The following ZFP14 variants were observed in gnomAD, a reference collection of about 807,000 sequenced individuals.
ZFP14 encodes the protein zinc finger protein 14 homolog.
A neutral mutation model predicts 54.5 loss-of-function variants in ZFP14; 22 were observed. The observed-to-expected ratio is 0.40, with a 90% CI of 0.29 to 0.58. The LOEUF (loss-of-function observed/expected upper bound fraction) is 0.58. ZFP14 is among the 20% of genes least tolerant of loss of function. ZFP14 has a pLI of 0.39. For missense variants in ZFP14, 470 were observed against 637.8 expected (o/e 0.74, Z 2.83); for synonymous variants, 159 against 204.0 (o/e 0.78, Z 1.88).
chr19:36,354,760 C>G lies in ZFP14; in HGVS notation c.235+5675G>C, dbSNP rs1164962000. On this transcript the variant is annotated intron_variant, in intron 4 of 4. Coordinates refer to ENST00000270001, the MANE Select transcript of ZFP14 (RefSeq NM_020917.3). ...GATCTCGGCTCACTGCAACCTCCAC[C>G]TCCCAGGTTCAAGCGATACTTCTGC... Among the ~76,000 whole-genome samples, 3 of 143,048 alleles carry G rather than the reference C, an allele frequency of 2.1e-5. 1 individual carries two copies. Among genetic ancestry groups the G allele is most frequent in the Non-Finnish European group, 3.1e-5 (2 of 64,462 alleles). 93.8% of individuals were successfully genotyped at this position (143,048 alleles called of 152,430 possible).
intron 4 of ZFP14, among the ~76,000 whole-genome samples, chr19:36,345,345 AT>A (rs111615942): frequency 6.6e-6 from 1 of 152,034 alleles, no homozygotes; most frequent in Non-Finnish European, 1.5e-5. Context: ...CAACTAAAGT[AT>A]TTTTTTTCAA....
At chr19:36,361,716 C>T (rs1363425202) in intron 3 of ZFP14, among the ~76,000 whole-genome samples, 3 of 152,170 alleles carry the variant, frequency 2.0e-5, no homozygotes, top group African/African-American at 7.2e-5. Flanking sequence ...TTTAAATAAC[C>T]TTTCTGGATC....
chr19:36,363,024 C>T (rs955231320), intron 2 of ZFP14, among the ~76,000 whole-genome samples: 5 of 151,994 alleles, frequency 3.3e-5, no homozygotes, highest in African/African-American at 1.2e-4. Context: ...CAATTCTCAA[C>T]GTCTACAATA....
At chr19:36,354,828 C>T (rs569626991) in intron 4 of ZFP14, among the ~76,000 whole-genome samples, 3 of 142,630 alleles carry the variant, frequency 2.1e-5, no homozygotes, top group African/African-American at 5.1e-5. Flanking sequence ...TGTGCCACCA[C>T]GCCCAGCTAA....
intron 1 of ZFP14, among the ~76,000 whole-genome samples, chr19:36,369,963 C>A (rs915921902): frequency 6.6e-6 from 1 of 152,116 alleles, no homozygotes; most frequent in East Asian, 1.9e-4. Flanking sequence ...GATTCCCAAG[C>A]AGTTGGGACT....
intron 4 of ZFP14, among the ~76,000 whole-genome samples, chr19:36,345,389 G>C (rs1450116736): frequency 6.6e-6 from 1 of 152,076 alleles, no homozygotes; most frequent in African/African-American, 2.4e-5. Flanking sequence ...ATGAAATCCT[G>C]AGCAAAAGGT....
intron 2 of ZFP14, chr19:36,362,778 C>T (rs1401196203): frequency 1.8e-5 from 5 of 270,904 alleles, no homozygotes; most frequent in Non-Finnish European, 3.7e-5. Flanking sequence ...GCTCTCTTTT[C>T]CCTTTAATGA....
Position 36,338,485 on chromosome 19 carries a change from A to C in ZFP14, c.*1739T>G, listed in dbSNP as rs1795322642. ...AGGATCACTTGAGCCCAGAAGTTCA[A>C]GACCAGCCTGGGCAACATAGTGAGA... On this transcript the variant is annotated 3_prime_UTR_variant, in exon 5 of 5. Transcript: ENST00000270001. 1 of 151,962 alleles carries C rather than the reference A, an allele frequency of 6.6e-6. No individual in the cohort carries two copies. The allele number at this position is 151,962 out of a possible 1,614,324, so 9.4% of individuals were successfully genotyped here.
chr19:36,372,156 GAA>G (rs1394646469), intron 1 of ZFP14, among the ~76,000 whole-genome samples: 1 of 151,660 alleles, frequency 6.6e-6, no homozygotes, highest in African/African-American at 2.4e-5. Context: ...AGAGGAAAGA[GAA>G]AAAAAGAGTA....
At chr19:36,367,836 T>C (rs775530038) in intron 2 of ZFP14, 48 bp downstream of exon 2, 1 of 1,598,894 alleles carries the variant, frequency 6.3e-7, no homozygotes, top group East Asian at 2.2e-5. Context: ...ATATACATGA[T>C]ACAGAAATTG....
Position 36,349,833 on chromosome 19 carries a change from T to C in ZFP14, c.236-8243A>G, listed in dbSNP as rs565943282. Among the ~76,000 whole-genome samples the C allele has an allele frequency of 6.6e-5, 10 of 150,812 alleles. 1 individual carries two copies. Among genetic ancestry groups the C allele is most frequent in the African/African-American group, 2.2e-4 (9 of 41,122 alleles). ...AATAGAGACATGGATTTGAAGAAGA[T>C]TTCAAGGTTGAAAGGAATAAAAAAG... On this transcript the variant is annotated intron_variant, in intron 4 of 4. Transcript: ENST00000270001.
intron 1 of ZFP14, among the ~76,000 whole-genome samples, chr19:36,371,648 A>G (rs2031878021): frequency 6.6e-6 from 1 of 152,084 alleles, no homozygotes; most frequent in Non-Finnish European, 1.5e-5. Context: ...AGAAAGATAA[A>G]CAAGTAGAAA....
In ZFP14 at chr19:36,337,915, A is replaced by G. The variant is rs1361132202; in HGVS notation, c.*2309T>C. On this transcript the variant is annotated 3_prime_UTR_variant, in exon 5 of 5. Coordinates refer to ENST00000270001, the MANE Select transcript of ZFP14 (RefSeq NM_020917.3). ...TCATGTTTTCTGGACCCATTATTCCATTAAGGTCTAGAAAATGGTGATTTT... is the reference window on the plus strand; with the variant it reads ...TCATGTTTTCTGGACCCATTATTCCGTTAAGGTCTAGAAAATGGTGATTTT... The G allele has an allele frequency of 2.6e-5, 4 of 152,206 alleles. No homozygotes were observed. The highest frequency in any genetic ancestry group is 7.2e-5 in the African/African-American group (3 of 41,448). The allele number at this position is 152,206 out of a possible 1,614,324, so 9.4% of individuals were successfully genotyped here.
intron 1 of ZFP14, among the ~76,000 whole-genome samples, chr19:36,370,685 C>G (rs1011777513): frequency 5.3e-5 from 8 of 152,372 alleles, no homozygotes; most frequent in Admixed American, 5.2e-4. Flanking sequence ...GTGGTTCCAG[C>G]CTTTTGGAGC....
At chr19:36,372,857 T>C (rs973796244) in intron 1 of ZFP14, among the ~76,000 whole-genome samples, 6 of 152,168 alleles carry the variant, frequency 3.9e-5, no homozygotes, top group African/African-American at 1.2e-4. Flanking sequence ...CATTCAGCTA[T>C]GATAAAGAAA....
intron 4 of ZFP14, among the ~76,000 whole-genome samples, chr19:36,358,196 C>T (rs963788865): frequency 2.0e-5 from 3 of 149,930 alleles, no homozygotes; most frequent in African/African-American, 4.9e-5. Context: ...CTGCAAACTC[C>T]GCCTCCCGGG....
chr19:36,340,019 T>C lies in ZFP14; in HGVS notation c.*205A>G. The C allele has an allele frequency of 2.1e-6, 1 of 474,640 alleles. No homozygotes were observed. The highest frequency in any genetic ancestry group is 3.5e-6 in the Non-Finnish European group (1 of 283,056). The allele number at this position is 474,640 out of a possible 1,614,324, so 29.4% of individuals were successfully genotyped here. A position where few individuals can be genotyped will look rare whatever the true frequency, so the allele number is the denominator to read the frequency against. Reference sequence around the variant, plus strand: ...AGATAATGACAGATAAGGCTAAAGATTTTCCTACATTCATTACATTATTCT... The same window carrying C: ...AGATAATGACAGATAAGGCTAAAGACTTTCCTACATTCATTACATTATTCT... On this transcript the variant is annotated 3_prime_UTR_variant, in exon 5 of 5. Coordinates refer to ENST00000270001, the MANE Select transcript of ZFP14 (RefSeq NM_020917.3). This position sits in a 1 kb window ranked among gnomAD's most constrained non-coding sequence, Gnocchi z 5.4.
chr19:36,354,636 A>C (rs2031584807), intron 4 of ZFP14, among the ~76,000 whole-genome samples: 1 of 141,692 alleles, frequency 7.1e-6, no homozygotes, highest in South Asian at 2.2e-4. Context: ...GTCACTATTC[A>C]AGTATCACCT....
Position 36,339,191 on chromosome 19 carries a change from T to G in ZFP14, c.*1033A>C, listed in dbSNP as rs1205874960. 1 of 152,230 alleles carries G rather than the reference T, an allele frequency of 6.6e-6. No individual in the cohort carries two copies. The highest frequency in any genetic ancestry group is 2.4e-5 in the African/African-American group (1 of 41,456). 9.4% of individuals were successfully genotyped at this position (152,230 alleles called of 1,614,324 possible). On this transcript the variant is annotated 3_prime_UTR_variant, in exon 5 of 5. Coordinates refer to ENST00000270001, the MANE Select transcript of ZFP14 (RefSeq NM_020917.3). ...TGACAGGAGGCATTTCTACATTTAT[T>G]ATGTCTACAGATCTTCCTTTTACGT...
Sources: gnomAD v4.1 joint callset for allele counts (sites outside exome capture counted in the v4.1 genomes callset) on GRCh38, gnomAD v4.1.1 for gene constraint, Gnocchi (gnomAD v3.1) non-coding constraint, MANE v1.5 for transcripts, NCBI Gene and HGNC (gene_info 2026-07-23, HGNC 2026-07-21) for gene names.